TRPV4: variants seen among roughly 807,000 people sequenced by gnomAD.
TRPV4 encodes OSM9-like transient receptor potential channel 4.
Under a neutral mutation model 84.1 loss-of-function variants are expected in TRPV4, and 58 were observed. That is an observed-to-expected ratio of 0.69 (90% CI 0.56 to 0.86). The LOEUF (loss-of-function observed/expected upper bound fraction) is 0.86, where lower values mean the gene tolerates loss of function less well. TRPV4 is among the 40% of genes least tolerant of loss of function. The pLI is 0.00. For synonymous variants in TRPV4, 489 were observed against 500.9 expected, an observed-to-expected ratio of 0.98 and a Z score of 0.32; for missense variants, 879 against 1,181.1, an observed-to-expected ratio of 0.74 and a Z score of 3.75.
intron 1 of TRPV4, among the ~76,000 whole-genome samples, chr12:109,828,099 T>C (rs7972913): frequency 0.023 from 3,515 of 152,302 alleles, 135 homozygotes; most frequent in African/African-American, 0.08. Context: ...GAGGGGCTGC[T>C]GTTACTCACT....
chr12:109,804,552 C>A (rs1891003967), intron 3 of TRPV4, among the ~76,000 whole-genome samples: 1 of 152,188 alleles, frequency 6.6e-6, no homozygotes, highest in African/African-American at 2.4e-5. Flanking sequence ...ATTACTGTTG[C>A]TGTTATCAAT....
Position 109,796,378 on chromosome 12 carries a change from G to A in TRPV4, c.1332+147C>T. The A allele has an allele frequency of 1.2e-6, 1 of 859,226 alleles. No homozygotes were observed. Among genetic ancestry groups the A allele is most frequent in the Non-Finnish European group, 1.8e-6 (1 of 541,822 alleles). The allele number at this position is 859,226 out of a possible 1,614,324, so 53.2% of individuals were successfully genotyped here. On this transcript the variant is annotated intron_variant, in intron 7 of 15. Transcript: ENST00000261740. This position sits in a 1 kb window ranked among gnomAD's most constrained non-coding sequence, Gnocchi z 4.2. Reference sequence around the variant, plus strand: ...AGACACTGTTCTGGGCACTTAGTTGGCACCTTCTCTTGCATTCAGCCAACA... The same window carrying A: ...AGACACTGTTCTGGGCACTTAGTTGACACCTTCTCTTGCATTCAGCCAACA...
rs371967120 is a variant in TRPV4, at chr12:109,815,669, G to C, written c.-31-842C>G. On this transcript the variant is annotated intron_variant, in intron 1 of 15. Coordinates refer to ENST00000261740, the MANE Select transcript of TRPV4 (RefSeq NM_021625.5). The surrounding 1 kb of genome is among the most constrained non-coding windows in gnomAD (Gnocchi z 4.1). ...AGGATCCATGCTCCTCTCCTCAGAA[G>C]CTTTATCCCAGCTGTTCACGGGATG... Among the ~76,000 whole-genome samples, 23 of 152,346 alleles carry C rather than the reference G, an allele frequency of 1.5e-4. No homozygotes were observed. In the East Asian group the frequency reaches 3.3e-3, roughly 22 times the overall value.
chr12:109,787,287 T>TTTG (rs761869778), intron 13 of TRPV4, among the ~76,000 whole-genome samples: 10 of 152,112 alleles, frequency 6.6e-5, no homozygotes, highest in Non-Finnish European at 1.5e-4. Flanking sequence ...TTTGCAGTTT[T>TTTG]TTGTTGTTGT....
intron 1 of TRPV4, among the ~76,000 whole-genome samples, chr12:109,816,682 G>A (rs1891865026): frequency 6.6e-6 from 1 of 152,210 alleles, no homozygotes; most frequent in Admixed American, 6.5e-5. Flanking sequence ...GGAGGCTGAG[G>A]CAGGAGAATC....
Position 109,830,407 on chromosome 12 carries a change from A to G in TRPV4, c.-32+2943T>C, listed in dbSNP as rs572141252. 6.6e-5 allele frequency among the ~76,000 whole-genome samples: 10 copies of G among 152,354 alleles called. No homozygotes were observed. In the South Asian group the frequency reaches 8.3e-4, roughly 13 times the overall value. ...GTGCTTGGCACACAGTAAGTGCTCAATAAAGGCTTGCCACCATCATAATAG... is the reference window on the plus strand; with the variant it reads ...GTGCTTGGCACACAGTAAGTGCTCAGTAAAGGCTTGCCACCATCATAATAG... On this transcript the variant is annotated intron_variant, in intron 1 of 15. Transcript: ENST00000261740.
At chr12:109,827,825 TATATACAC>T (rs1242882724) in intron 1 of TRPV4, among the ~76,000 whole-genome samples, 6 of 151,200 alleles carry the variant, frequency 4.0e-5, no homozygotes, top group African/African-American at 1.2e-4. Flanking sequence ...CACATACACA[TATATACAC>T]ATATACACAT....
intron 10 of TRPV4, among the ~76,000 whole-genome samples, 183 bp from the exon 11 acceptor site, chr12:109,793,000 A>G (rs2136471002): frequency 6.6e-6 from 1 of 152,368 alleles, no homozygotes; most frequent in African/African-American, 2.4e-5. Context: ...AGAACATTCA[A>G]TTAGCTGGCA....
chr12:109,816,769 C>T (rs1045663299), intron 1 of TRPV4, among the ~76,000 whole-genome samples: 1 of 152,172 alleles, frequency 6.6e-6, no homozygotes, highest in African/African-American at 2.4e-5. Context: ...CAGAGCAAGA[C>T]TCTATCTAAA....
At chr12:109,787,302 G>T (rs1466381953) in intron 13 of TRPV4, among the ~76,000 whole-genome samples, 5 of 152,108 alleles carry the variant, frequency 3.3e-5, no homozygotes, top group Non-Finnish European at 7.4e-5. Flanking sequence ...TGTTGTTGTT[G>T]TTTTTAATAT....
chr12:109,793,465 A>G lies in TRPV4; in HGVS notation c.1658+62T>C. ...ATCACCTCTCTCCTGAATCTGGACG[A>G]CCTAGCAGCCCAAACCCACCTTCCT... On this transcript the variant is annotated intron_variant, in intron 10 of 15. Coordinates refer to ENST00000261740, the MANE Select transcript of TRPV4 (RefSeq NM_021625.5). This position sits in a 1 kb window ranked among gnomAD's most constrained non-coding sequence, Gnocchi z 4.0. The G allele has an allele frequency of 7.1e-7, 1 of 1,398,850 alleles. No homozygotes were observed. Among genetic ancestry groups the G allele is most frequent in the Non-Finnish European group, 1.0e-6 (1 of 984,744 alleles). The allele number at this position is 1,398,850 out of a possible 1,614,324, so 86.7% of individuals were successfully genotyped here. A position where few individuals can be genotyped will look rare whatever the true frequency, so the allele number is the denominator to read the frequency against.
rs1185819754 is a variant in TRPV4, at chr12:109,796,058, C to T, written c.1332+467G>A. 5.3e-5 allele frequency among the ~76,000 whole-genome samples: 8 copies of T among 151,420 alleles called. No homozygotes were observed. The highest frequency in any genetic ancestry group is 1.9e-4 in the African/African-American group (8 of 41,182). On this transcript the variant is annotated intron_variant, in intron 7 of 15. Transcript: ENST00000261740. The surrounding 1 kb of genome is among the most constrained non-coding windows in gnomAD (Gnocchi z 4.2). ...ACAGGCATAAGCCACCATGCCTGAC[C>T]GAAAAAAAAGAGCTTTCAAAAGTTC... is the stretch of plus-strand genomic sequence containing the variant.
At position 109,794,390 on chromosome 12, in the gene TRPV4, G is replaced by A. The variant is rs562716052; in HGVS notation, c.1430C>T (p.Ser477Phe). ...GAVSFYINVV[S>F]YLCAMVIFTL... is the part of the protein sequence containing the mutation. ...GAAGATGACCATGGCACACAGGTAG[G>A]AGACCACGTTGATGTAGAAGGAGAC... The change falls in exon 8 of 16, where the codon TCC (serine) becomes TTC (phenylalanine). Residue 477 changes from serine to phenylalanine, a missense_variant. This residue lies in a region of TRPV4 where 521 missense variants were observed against 686.6 expected (regional missense o/e 0.76). Coordinates refer to ENST00000261740, the MANE Select transcript of TRPV4 (RefSeq NM_021625.5). 1 of 1,613,906 alleles carries A rather than the reference G, an allele frequency of 6.2e-7. No individual in the cohort carries two copies. Among genetic ancestry groups the A allele is most frequent in the Non-Finnish European group, 8.5e-7 (1 of 1,180,034 alleles).
In TRPV4 at chr12:109,796,419, G is replaced by A. The variant is rs1890401896; in HGVS notation, c.1332+106C>T. 6 of 1,353,416 alleles carry A rather than the reference G, an allele frequency of 4.4e-6. No individual in the cohort carries two copies. The highest frequency in any genetic ancestry group is 6.2e-6 in the Non-Finnish European group (6 of 965,554). 83.8% of individuals were successfully genotyped at this position (1,353,416 alleles called of 1,614,324 possible). ...TCAGCCAACAGACCCACCACGTTGG[G>A]TCCTAGAGGCTGGGGCTGTCTCCCC... is the stretch of plus-strand genomic sequence containing the variant. On this transcript the variant is annotated intron_variant, in intron 7 of 15. Coordinates refer to ENST00000261740, the MANE Select transcript of TRPV4 (RefSeq NM_021625.5). The surrounding 1 kb of genome is among the most constrained non-coding windows in gnomAD (Gnocchi z 4.2).
At position 109,783,438 on chromosome 12, in the gene TRPV4, C is replaced by T. The variant is rs978196241; in HGVS notation, c.*183G>A. 1.3e-6 allele frequency: 1 copy of T among 764,548 alleles called. No individual in the cohort carries two copies. Among genetic ancestry groups the T allele is most frequent in the Admixed American group, 3.1e-5 (1 of 32,478 alleles). The allele number at this position is 764,548 out of a possible 1,614,324, so 47.4% of individuals were successfully genotyped here. A position where few individuals can be genotyped will look rare whatever the true frequency, so the allele number is the denominator to read the frequency against. The stretch of plus-strand genomic sequence containing the variant: ...GGAGCAAGACAGGTGGCCGGGAGCC[C>T]CCACCCCAGGGTGGGGAGGCAGAGC... On this transcript the variant is annotated 3_prime_UTR_variant, in exon 16 of 16. Transcript: ENST00000261740. This position sits in a 1 kb window ranked among gnomAD's most constrained non-coding sequence, Gnocchi z 4.6.
intron 7 of TRPV4, among the ~76,000 whole-genome samples, chr12:109,795,675 T>C (rs1263257607): frequency 1.3e-5 from 2 of 152,182 alleles, no homozygotes; most frequent in Non-Finnish European, 2.9e-5. Flanking sequence ...TACCAAAGAA[T>C]ATTTAAAAGT....
At position 109,798,604 on chromosome 12, in the gene TRPV4, G is replaced by T. The variant is rs766655934; in HGVS notation, c.1152+10C>A. On this transcript the variant is annotated intron_variant, in intron 6 of 15. Transcript: ENST00000261740. The surrounding 1 kb of genome is among the most constrained non-coding windows in gnomAD (Gnocchi z 5.0). Reference sequence around the variant, plus strand: ...AGGTGGATCAGCTGTGCCCCCAGCCGCACACTCACCCCAATCTTGCCCGTC... The same window carrying T: ...AGGTGGATCAGCTGTGCCCCCAGCCTCACACTCACCCCAATCTTGCCCGTC... 1.2e-6 allele frequency: 2 copies of T among 1,609,624 alleles called. No homozygotes were observed. Among genetic ancestry groups the T allele is most frequent in the African/African-American group, 1.3e-5 (1 of 74,878 alleles).
At chr12:109,822,910 G>A (rs1892146553) in intron 1 of TRPV4, among the ~76,000 whole-genome samples, 1 of 152,194 alleles carries the variant, frequency 6.6e-6, no homozygotes, top group South Asian at 2.1e-4. Context: ...CAGTATCAGT[G>A]TACTATTTAT....
rs886048941 is a variant in TRPV4, at chr12:109,814,626, A to G, written c.171T>C (p.Pro57=). The change falls in exon 2 of 16, where the codon CCT becomes CCC. Residue 57 remains proline, a synonymous_variant. Transcript: ENST00000261740. The surrounding 1 kb of genome is among the most constrained non-coding windows in gnomAD (Gnocchi z 5.4). ...TTGGTCGCCCATCGCCTGGGCCAGC[A>G]GGGCGACTGGCATCAGCCGGTGAGG... ...LSPSPADASR[P]AGPGDGRPNL... 1 of 1,613,966 alleles carries G rather than the reference A, an allele frequency of 6.2e-7. No homozygotes were observed. The highest frequency in any genetic ancestry group is 2.2e-5 in the East Asian group (1 of 44,856).
Sources: allele counts gnomAD v4.1 joint callset (sites outside exome capture counted in the v4.1 genomes callset), GRCh38; gene constraint gnomAD v4.1.1; regional missense constraint gnomAD v4.1.1; non-coding constraint Gnocchi (gnomAD v3.1); transcripts MANE v1.5; gene names NCBI Gene and HGNC (gene_info 2026-07-23, HGNC 2026-07-21).